ARHGEF28: variants seen among roughly 807,000 people sequenced by gnomAD.
ARHGEF28 encodes the protein Rho guanine nucleotide exchange factor 28, also known as 190 kDa guanine nucleotide exchange factor.
Under a neutral mutation model 206.6 loss-of-function variants are expected in ARHGEF28, and 152 were observed. That is an observed-to-expected ratio of 0.74 (90% CI 0.64 to 0.84). The LOEUF (loss-of-function observed/expected upper bound fraction) is 0.84, where lower values mean the gene tolerates loss of function less well. ARHGEF28 is among the 40% of genes least tolerant of loss of function. The pLI is 0.00. For missense variants in ARHGEF28, 2,028 were observed against 2,073.2 expected, an observed-to-expected ratio of 0.98 and a Z score of 0.42; for synonymous variants, 763 against 776.4, an observed-to-expected ratio of 0.98 and a Z score of 0.29.
intron 1 of ARHGEF28, among the ~76,000 whole-genome samples, chr5:73,638,258 T>A (rs951688872): frequency 1.3e-5 from 2 of 152,250 alleles, no homozygotes; most frequent in African/African-American, 4.8e-5. Context: ...AGATGATTCC[T>A]TTATATTCCA....
At chr5:73,746,273 C>T (rs910450073) in intron 2 of ARHGEF28, among the ~76,000 whole-genome samples, 2 of 151,942 alleles carry the variant, frequency 1.3e-5, no homozygotes, top group African/African-American at 4.8e-5. Flanking sequence ...GTACACTTAA[C>T]GAACAGTAGA....
intron 1 of ARHGEF28, among the ~76,000 whole-genome samples, chr5:73,643,553 G>A (rs932911155): frequency 6.6e-6 from 1 of 152,050 alleles, no homozygotes; most frequent in Non-Finnish European, 1.5e-5. Context: ...GGTGGCTCAC[G>A]CCTGTAATCC....
intron 1 of ARHGEF28, among the ~76,000 whole-genome samples, chr5:73,629,507 C>CA (rs70973265): frequency 0.071 from 9,759 of 138,292 alleles, 546 homozygotes; most frequent in East Asian, 0.34. Flanking sequence ...GACTCTGTCT[C>CA]AAAAAAAAAA....
intron 2 of ARHGEF28, among the ~76,000 whole-genome samples, chr5:73,696,573 G>A (rs1352958496): frequency 6.6e-6 from 1 of 152,162 alleles, no homozygotes; most frequent in Non-Finnish European, 1.5e-5. Flanking sequence ...CAATACAACA[G>A]AGACTCAAAC....
At chr5:73,693,575 A>G (rs1337569926) in intron 2 of ARHGEF28, among the ~76,000 whole-genome samples, 5 of 152,252 alleles carry the variant, frequency 3.3e-5, no homozygotes, top group Non-Finnish European at 7.3e-5. Context: ...AGCTAAGTCT[A>G]GCTTAGCCAA....
chr5:73,680,720 G>A (rs1193722780), intron 1 of ARHGEF28, among the ~76,000 whole-genome samples: 1 of 151,962 alleles, frequency 6.6e-6, no homozygotes, highest in Admixed American at 6.6e-5. Flanking sequence ...ATAAAATCTA[G>A]CAAATACCAC....
chr5:73,641,987 T>C (rs1191600629), intron 1 of ARHGEF28, among the ~76,000 whole-genome samples: 1 of 152,190 alleles, frequency 6.6e-6, no homozygotes, highest in East Asian at 1.9e-4. Context: ...AGCTGAGAGG[T>C]TAAGCAACCT....
chr5:73,906,448 TGGGCTCAAAGTG>T (rs1407947625), intron 33 of ARHGEF28, among the ~76,000 whole-genome samples: 2 of 152,330 alleles, frequency 1.3e-5, no homozygotes, highest in East Asian at 3.9e-4. Context: ...GTCTAACTCC[TGGGCTCAAAGTG>T]ATCTACCTGC....
intron 2 of ARHGEF28, among the ~76,000 whole-genome samples, chr5:73,719,230 A>G (rs1427392200): frequency 6.6e-6 from 1 of 152,004 alleles, no homozygotes; most frequent in Non-Finnish European, 1.5e-5. Context: ...AGCGACCATG[A>G]TCAACCCCAT....
At chr5:73,780,993 TC>T in intron 7 of ARHGEF28, among the ~76,000 whole-genome samples, 1 of 152,194 alleles carries the variant, frequency 6.6e-6, no homozygotes, top group East Asian at 1.9e-4. Flanking sequence ...CCAGGTCCTC[TC>T]GCATTCCTGA....
At chr5:73,669,920 C>A (rs1427100005) in intron 1 of ARHGEF28, among the ~76,000 whole-genome samples, 1 of 152,228 alleles carries the variant, frequency 6.6e-6, no homozygotes, top group African/African-American at 2.4e-5. Context: ...CTCCTGACTT[C>A]AAGTGGTCCA....
In ARHGEF28 at chr5:73,911,281, G is replaced by T; in HGVS notation, c.4654G>T (p.Glu1552Ter). 1 of 1,585,562 alleles carries T rather than the reference G, an allele frequency of 6.3e-7. No homozygotes were observed. Among genetic ancestry groups the T allele is most frequent in the South Asian group, 1.1e-5 (1 of 87,228 alleles). The change falls in exon 35 of 36, where the codon GAA becomes TAA. Residue 1552 changes from glutamate to a stop codon, truncating the protein, a stop_gained. Transcript: ENST00000513042. LOFTEE classifies it high-confidence loss of function. ...VLLPGGPEVM[E>*]LNRSESLCHE... ...CCTCTGTTTCTTTACACAGGTAATG[G>T]AACTTAATCGATCTGAGAGTTTATG...
chr5:73,718,835 C>T (rs1749745084), intron 2 of ARHGEF28, among the ~76,000 whole-genome samples: 1 of 152,214 alleles, frequency 6.6e-6, no homozygotes, highest in African/African-American at 2.4e-5. Context: ...ACAGGGACTT[C>T]TGGTCCCATC....
intron 22 of ARHGEF28, 109 bp downstream of exon 22, chr5:73,873,355 G>A (rs1760232879): frequency 7.4e-7 from 1 of 1,346,734 alleles, no homozygotes. Context: ...AACATTCATA[G>A]TGACATTCTG....
At chr5:73,667,852 G>T (rs1336727602) in intron 1 of ARHGEF28, among the ~76,000 whole-genome samples, 1 of 152,094 alleles carries the variant, frequency 6.6e-6, no homozygotes, top group African/African-American at 2.4e-5. Flanking sequence ...CTAGTTCATT[G>T]CTATTAAATT....
intron 28 of ARHGEF28, among the ~76,000 whole-genome samples, chr5:73,893,626 C>T (rs539097068): frequency 1.9e-4 from 29 of 152,274 alleles, no homozygotes; most frequent in Admixed American, 1.4e-3. Flanking sequence ...GGACAAGGAA[C>T]CCAACAGATC....
chr5:73,828,718 TTCTTTCTCTCTG>T (rs1354413108), intron 9 of ARHGEF28, among the ~76,000 whole-genome samples: 1 of 151,988 alleles, frequency 6.6e-6, no homozygotes, highest in African/African-American at 2.4e-5. Context: ...CTCTTTCTCT[TTCTTTCTCTCTG>T]TCTTTCTCTT....
chr5:73,681,801 C>T (rs1428744302), intron 1 of ARHGEF28, among the ~76,000 whole-genome samples: 3 of 151,086 alleles, frequency 2.0e-5, no homozygotes, highest in South Asian at 2.1e-4. Context: ...GGCAACAGAG[C>T]GAAACTCTGT....
chr5:73,746,333 A>G (rs1315553057), intron 2 of ARHGEF28, among the ~76,000 whole-genome samples: 1 of 152,130 alleles, frequency 6.6e-6, no homozygotes, highest in Non-Finnish European at 1.5e-5. Flanking sequence ...ACTTGGTGGA[A>G]TGCAATTAAA....
Sources: gnomAD v4.1 joint callset for allele counts (sites outside exome capture counted in the v4.1 genomes callset) on GRCh38, gnomAD v4.1.1 for gene constraint, MANE v1.5 for transcripts, NCBI Gene and HGNC (gene_info 2026-07-23, HGNC 2026-07-21) for gene names.